Variants in PRSS23 observed in about 807,000 individuals in gnomAD.
PRSS23 encodes the protein protease, serine 23.
A neutral mutation model predicts 34.7 loss-of-function variants in PRSS23; 25 were observed. The observed-to-expected ratio is 0.72, with a 90% CI of 0.53 to 1.01. The LOEUF is 1.01. Ranked by LOEUF, PRSS23 falls within the 50% of genes least tolerant of loss-of-function variation. The pLI is 0.00. For synonymous variants in PRSS23, 176 were observed against 186.6 expected, an observed-to-expected ratio of 0.94 and a Z score of 0.46; for missense variants, 445 against 475.6, an observed-to-expected ratio of 0.94 and a Z score of 0.60.
intron 1 of PRSS23, chr11:86,821,262 G>A: frequency 1.9e-6 from 1 of 521,262 alleles, no homozygotes. Flanking sequence ...GTAATCCGAT[G>A]ACACAAAAAT....
intron 2 of PRSS23, among the ~76,000 whole-genome samples, chr11:86,840,724 A>C (rs544823649): frequency 6.6e-6 from 1 of 152,356 alleles, no homozygotes; most frequent in East Asian, 1.9e-4. Flanking sequence ...AACACTCCTC[A>C]GCAAATGTAA....
intron 2 of PRSS23, among the ~76,000 whole-genome samples, chr11:86,889,427 T>A (rs1948826535): frequency 1.3e-5 from 2 of 152,176 alleles, no homozygotes; most frequent in Admixed American, 1.3e-4. Context: ...ATTAGCAGGT[T>A]TGGTGTCTTG....
intron 2 of PRSS23, among the ~76,000 whole-genome samples, chr11:86,944,153 T>C (rs1299611771): frequency 6.6e-6 from 1 of 152,100 alleles, no homozygotes; most frequent in Non-Finnish European, 1.5e-5. Flanking sequence ...GCTGGTGGTT[T>C]CCAGCAATCC....
In PRSS23 at chr11:86,800,561, G is replaced by A; in HGVS notation, c.-104G>A. On this transcript the variant is annotated 5_prime_UTR_variant, in exon 1 of 2. Transcript: ENST00000280258. ...TTGCTCGCACTCGGCTGTGCGGCGG[G>A]GCAGGCATGGGAGCCGCGCGCTCTC... is the stretch of plus-strand genomic sequence containing the variant. 3 of 984,822 alleles carry A rather than the reference G, an allele frequency of 3.0e-6. No homozygotes were observed. Among genetic ancestry groups the A allele is most frequent in the Non-Finnish European group, 3.6e-6 (3 of 829,758 alleles). 61.0% of individuals were successfully genotyped at this position (984,822 alleles called of 1,614,324 possible).
intron 2 of PRSS23, among the ~76,000 whole-genome samples, chr11:86,828,812 G>A (rs1462296631): frequency 6.6e-6 from 1 of 152,176 alleles, no homozygotes; most frequent in Non-Finnish European, 1.5e-5. Flanking sequence ...TAAGAGTGTT[G>A]AATATTGGCC....
At chr11:86,818,829 G>T (rs919966528) in intron 1 of PRSS23, among the ~76,000 whole-genome samples, 1 of 152,208 alleles carries the variant, frequency 6.6e-6, no homozygotes, top group African/African-American at 2.4e-5. Context: ...CGTGCAAAGT[G>T]GCACAAACGC....
chr11:86,942,968 C>T (rs1949215569), intron 2 of PRSS23, among the ~76,000 whole-genome samples: 1 of 152,216 alleles, frequency 6.6e-6, no homozygotes, highest in African/African-American at 2.4e-5. Flanking sequence ...CCTCTTTAGT[C>T]AAGAGTCAGC....
chr11:86,946,600 C>A, intron 2 of PRSS23: 1 of 152,534 alleles, frequency 6.6e-6, no homozygotes, highest in Non-Finnish European at 1.5e-5. Flanking sequence ...CAAGAGACAG[C>A]AACAGAAAGC....
At chr11:86,833,015 A>C (rs911348780) in intron 2 of PRSS23, 29 of 434,172 alleles carry the variant, frequency 6.7e-5, no homozygotes, top group Non-Finnish European at 9.0e-5. Flanking sequence ...AAAAAAAAAA[A>C]CACAAAACTA....
At position 86,828,926 on chromosome 11, in the gene PRSS23, C is replaced by T. The variant is rs575885401; in HGVS notation, c.206+5333C>T. On this transcript the variant is annotated intron_variant, in intron 2 of 2. Transcript: ENST00000533902. ...AACCTTTCTCTCTGGCTGCCCTTAA[C>T]ATTTTTTCCTTCATTTCAACTTTGG... 9.1e-4 allele frequency among the ~76,000 whole-genome samples: 138 copies of T among 152,304 alleles called. 1 individual carries two copies. The highest frequency in any genetic ancestry group is 3.1e-3 in the African/African-American group (128 of 41,570).
chr11:86,914,945 C>T (rs903107016), intron 2 of PRSS23, among the ~76,000 whole-genome samples: 5 of 152,122 alleles, frequency 3.3e-5, no homozygotes, highest in Admixed American at 6.6e-5. Context: ...CAAATAACCA[C>T]GAGGGCTTTA....
rs111815653 is a variant in PRSS23 at position 86,850,183 on chromosome 11, C to T, written c.206+26590C>T. On this transcript the variant is annotated intron_variant, in intron 2 of 2. Transcript: ENST00000533902. ...TTGTCAAATTTGTTTCCTCCAGGAT[C>T]GAGGCCATCAAGCTACAAATGGTCT... Among the ~76,000 whole-genome samples, 477 of 152,232 alleles carry T rather than the reference C, an allele frequency of 3.1e-3. 4 individuals are homozygous for T. The highest frequency in any genetic ancestry group is 0.011 in the African/African-American group (455 of 41,528).
At chr11:86,848,284 A>G (rs1471458801) in intron 2 of PRSS23, among the ~76,000 whole-genome samples, 1 of 152,214 alleles carries the variant, frequency 6.6e-6, no homozygotes, top group African/African-American at 2.4e-5. Flanking sequence ...AAGCAGCTTT[A>G]GCAGCAGCCC....
downstream of PRSS23, among the ~76,000 whole-genome samples, chr11:86,813,058 A>C (rs78254763): frequency 0.014 from 2,068 of 152,264 alleles, 56 homozygotes; most frequent in African/African-American, 0.047. Context: ...AGACAGGCAT[A>C]TTTATCTGAC....
chr11:86,828,729 T>G (rs904885649), intron 2 of PRSS23, among the ~76,000 whole-genome samples: 26 of 152,162 alleles, frequency 1.7e-4, no homozygotes, highest in Non-Finnish European at 2.9e-5. Context: ...GTCTGTAAAG[T>G]ATTTTATTTC....
intron 2 of PRSS23, among the ~76,000 whole-genome samples, chr11:86,919,150 C>T (rs1308748882): frequency 1.3e-5 from 2 of 152,194 alleles, no homozygotes. Flanking sequence ...CCCCAAGCAG[C>T]GGGGCCCAGA....
At position 86,900,339 on chromosome 11, in the gene PRSS23, C is replaced by T. The variant is rs139791063; in HGVS notation, c.207-50877C>T. On this transcript the variant is annotated intron_variant, in intron 2 of 2. Coordinates refer to the PRSS23 transcript ENST00000533902. Reference sequence around the variant, plus strand: ...GAGGAGGAAGCGGCTTGCATGTGCCCGTATGCTCAGGCTCTGTGCCCACCT... The same window carrying T: ...GAGGAGGAAGCGGCTTGCATGTGCCTGTATGCTCAGGCTCTGTGCCCACCT... Among the ~76,000 whole-genome samples the T allele has an allele frequency of 1.5e-3, 236 of 152,326 alleles. 3 individuals are homozygous for T. The highest frequency in any genetic ancestry group is 6.8e-3 in the South Asian group (33 of 4,826).
chr11:86,918,247 C>G (rs1309865308), intron 2 of PRSS23, among the ~76,000 whole-genome samples: 1 of 152,206 alleles, frequency 6.6e-6, no homozygotes, highest in Non-Finnish European at 1.5e-5. Flanking sequence ...GGGCAGGGAA[C>G]ACACCATTGC....
At chr11:86,843,071 A>C (rs1189806309) in intron 2 of PRSS23, among the ~76,000 whole-genome samples, 1 of 152,140 alleles carries the variant, frequency 6.6e-6, no homozygotes, top group Non-Finnish European at 1.5e-5. Flanking sequence ...ACCAAAACAG[A>C]TATATAGACC....
Sources: allele counts gnomAD v4.1 joint callset (sites outside exome capture counted in the v4.1 genomes callset), GRCh38; gene constraint gnomAD v4.1.1; transcripts MANE v1.5; gene names NCBI Gene and HGNC (gene_info 2026-07-23, HGNC 2026-07-21).